The following GSTA4 variants were observed in gnomAD, a reference collection of about 807,000 sequenced individuals.
GSTA4 encodes the protein glutathione S-transferase A4.
In GSTA4, 15 loss-of-function variants were observed where a neutral mutation model predicts 24.4. The ratio of observed to expected loss-of-function variants is 0.61; its 90% CI spans 0.41 to 0.95. The LOEUF (loss-of-function observed/expected upper bound fraction) is 0.95, where lower values mean the gene tolerates loss of function less well. Ranked by LOEUF, GSTA4 falls within the 40% of genes least tolerant of loss-of-function variation. GSTA4 has a pLI of 0.00. For missense variants in GSTA4, 244 were observed against 262.1 expected, an observed-to-expected ratio of 0.93 and a Z score of 0.48; for synonymous variants, 92 against 94.2, an observed-to-expected ratio of 0.98 and a Z score of 0.13.
chr6:52,992,896 C>T (rs6911986), intron 2 of GSTA4, among the ~76,000 whole-genome samples: 45,850 of 151,834 alleles, frequency 0.3, 7,482 homozygotes, highest in African/African-American at 0.42. Flanking sequence ...AGGTCTGGAG[C>T]TCAAGATCAG....
intron 2 of GSTA4, among the ~76,000 whole-genome samples, chr6:52,989,650 T>C (rs550278409): frequency 6.7e-4 from 102 of 152,152 alleles, no homozygotes; most frequent in Admixed American, 1.8e-3. Flanking sequence ...TCCCAGAGGA[T>C]CTCCATCTAA....
rs780428302 is a variant in GSTA4 at position 52,987,308 on chromosome 6, C to T, written c.139+49G>A. ...TTGCCCTTCCACATAAACAGCAGCT[C>T]TTAAAGGAAAATCAGTATTAGAGGC... On this transcript the variant is annotated intron_variant, in intron 3 of 6. Coordinates refer to ENST00000370963, the MANE Select transcript of GSTA4 (RefSeq NM_001512.4). 6.0e-6 allele frequency: 7 copies of T among 1,172,558 alleles called. No homozygotes were observed. The South Asian group carries it at 9.0e-5, about 15-fold the overall frequency. 72.6% of individuals were successfully genotyped at this position (1,172,558 alleles called of 1,614,324 possible). A position where few individuals can be genotyped will look rare whatever the true frequency, so the allele number is the denominator to read the frequency against.
intron 2 of GSTA4, 96 bp downstream of exon 2, chr6:52,994,061 G>T (rs74639653): frequency 0.011 from 9,323 of 851,218 alleles, 82 homozygotes; most frequent in Non-Finnish European, 0.015. Flanking sequence ...TTTGGTGGAC[G>T]AGAACTAGAA....
intron 6 of GSTA4, among the ~76,000 whole-genome samples, 195 bp from the exon 7 acceptor site, chr6:52,978,787 A>G (rs935543370): frequency 6.6e-6 from 1 of 152,310 alleles, no homozygotes; most frequent in Non-Finnish European, 1.5e-5. Context: ...CATAAAATAC[A>G]CTAACACTAA....
chr6:52,979,600 A>G (rs949245446), intron 6 of GSTA4, among the ~76,000 whole-genome samples: 4 of 152,244 alleles, frequency 2.6e-5, no homozygotes, highest in African/African-American at 7.2e-5. Flanking sequence ...GCATATGCTC[A>G]TCATATATAA....
intron 3 of GSTA4, among the ~76,000 whole-genome samples, 158 bp downstream of exon 3, chr6:52,987,199 T>C (rs1038774308): frequency 2.0e-5 from 3 of 152,188 alleles, no homozygotes; most frequent in African/African-American, 7.2e-5. Context: ...AGAAGTGATT[T>C]CCTGGCAATT....
At chr6:52,993,895 C>A in intron 2 of GSTA4, 4 of 512,778 alleles carry the variant, frequency 7.8e-6, no homozygotes, top group South Asian at 7.7e-5. Context: ...AGGTAAATTT[C>A]CTTTCTTCTT....
intron 3 of GSTA4, among the ~76,000 whole-genome samples, 195 bp from the exon 4 acceptor site, chr6:52,985,778 C>T (rs533819319): frequency 1.2e-4 from 19 of 152,254 alleles, no homozygotes; most frequent in Admixed American, 8.5e-4. Flanking sequence ...AGGGGCCAGG[C>T]GTGGTGGCTC....
intron 2 of GSTA4, 66 bp from the exon 3 acceptor site, chr6:52,987,474 A>T (rs1324180182): frequency 1.2e-6 from 1 of 846,600 alleles, no homozygotes; most frequent in Non-Finnish European, 1.9e-6. Flanking sequence ...AAGAAAACAA[A>T]ATCCTGTCAT....
chr6:52,989,968 C>T (rs928283637), intron 2 of GSTA4, among the ~76,000 whole-genome samples: 3 of 151,634 alleles, frequency 2.0e-5, no homozygotes, highest in East Asian at 1.9e-4. Flanking sequence ...CCTCAGCCTC[C>T]CAAGAAGCTG....
intron 4 of GSTA4, 79 bp downstream of exon 4, chr6:52,985,372 T>C: frequency 7.6e-7 from 1 of 1,312,604 alleles, no homozygotes; most frequent in Non-Finnish European, 1.1e-6. Context: ...AAAGTAAATG[T>C]GGTGTGCTAC....
chr6:52,983,376 C>T (rs1763489911), intron 5 of GSTA4, among the ~76,000 whole-genome samples: 1 of 152,196 alleles, frequency 6.6e-6, no homozygotes, highest in East Asian at 1.9e-4. Context: ...ATCCCCTTCA[C>T]AGTCAACTCT....
rs759245406 is a variant in GSTA4, at chr6:52,985,567, G to C, written c.156C>G (p.Phe52Leu). ...CAATTTCAACCATGGGCACTTGTTGGAACAGCAGGTGGTTACCTGAGAATG... is the reference window on the plus strand; with the variant it reads ...CAATTTCAACCATGGGCACTTGTTGCAACAGCAGGTGGTTACCTGAGAATG... ...YKLQDGNHLLFQQVPMVEIDG... is the reference protein window; with the variant it reads ...YKLQDGNHLLLQQVPMVEIDG... The change falls in exon 4 of 7, where the codon TTC (phenylalanine) becomes TTG (leucine). Residue 52 changes from phenylalanine (F) to leucine (L), a missense_variant. Coordinates refer to ENST00000370963, the MANE Select transcript of GSTA4 (RefSeq NM_001512.4). The C allele has an allele frequency of 3.7e-6, 6 of 1,613,982 alleles. No individual in the cohort carries two copies. Among genetic ancestry groups the C allele is most frequent in the Non-Finnish European group, 5.1e-6 (6 of 1,179,844 alleles).
At chr6:52,984,331 G>A (rs2127384711) in intron 5 of GSTA4, 133 bp downstream of exon 5, 1 of 758,686 alleles carries the variant, frequency 1.3e-6, no homozygotes, top group Non-Finnish European at 2.2e-6. Flanking sequence ...TCGCTCTTAG[G>A]AGTCCATTAG....
At chr6:52,989,447 T>C (rs1763624240) in intron 2 of GSTA4, among the ~76,000 whole-genome samples, 1 of 152,116 alleles carries the variant, frequency 6.6e-6, no homozygotes, top group Non-Finnish European at 1.5e-5. Context: ...CACATGCTGA[T>C]GTCTGCAACT....
intron 5 of GSTA4, among the ~76,000 whole-genome samples, chr6:52,983,450 C>T (rs890234909): frequency 6.6e-6 from 1 of 152,176 alleles, no homozygotes; most frequent in South Asian, 2.1e-4. Flanking sequence ...GAACACAATT[C>T]CAGGTCAAAT....
chr6:52,993,100 C>CAA (rs141586067), intron 2 of GSTA4, among the ~76,000 whole-genome samples: 1 of 150,066 alleles, frequency 6.7e-6, no homozygotes, highest in African/African-American at 2.5e-5. Flanking sequence ...CAGCCTCCGT[C>CAA]AAAAAAAAAC....
At chr6:52,979,092 A>G (rs1763400715) in intron 6 of GSTA4, among the ~76,000 whole-genome samples, 1 of 152,212 alleles carries the variant, frequency 6.6e-6, no homozygotes. Context: ...ATGACACTTA[A>G]GGTGAAAAAA....
intron 1 of GSTA4, 156 bp from the exon 2 acceptor site, chr6:52,994,417 C>A (rs985540175): frequency 6.6e-5 from 36 of 548,624 alleles, no homozygotes; most frequent in East Asian, 5.4e-4. Context: ...GAAAAAAAAA[C>A]CACCATTTTA....
Sources: allele counts gnomAD v4.1 joint callset (sites outside exome capture counted in the v4.1 genomes callset), GRCh38; gene constraint gnomAD v4.1.1; transcripts MANE v1.5; gene names NCBI Gene and HGNC (gene_info 2026-07-23, HGNC 2026-07-21).